Variants in ZNF528 observed in about 807,000 individuals in gnomAD.
The protein encoded by ZNF528 is zinc finger protein 528.
Under a neutral mutation model 13.3 loss-of-function variants are expected in ZNF528, and 9 were observed. The observed-to-expected ratio is 0.67, with a 90% CI of 0.41 to 1.18. The LOEUF is 1.18. Among genes scored for constraint, ZNF528 ranks in the 50% most tolerant of loss-of-function variants. ZNF528 has a pLI of 0.01. For missense variants in ZNF528, 858 were observed against 745.4 expected (o/e 1.15, Z -1.76); for synonymous variants, 264 against 254.3 (o/e 1.04, Z -0.36).
Position 52,415,108 on chromosome 19 carries a change from TTTC to T in ZNF528, c.272-13_272-11del. The T allele has an allele frequency of 6.2e-7, 1 of 1,609,934 alleles. No homozygotes were observed. The highest frequency in any genetic ancestry group is 8.5e-7 in the Non-Finnish European group (1 of 1,177,916). On this transcript the variant is annotated splice_polypyrimidine_tract_variant and intron_variant, in intron 6 of 6. Coordinates refer to ENST00000360465, the MANE Select transcript of ZNF528 (RefSeq NM_032423.3). The stretch of plus-strand genomic sequence containing the variant: ...TTATCATGGGTTGAAGTTCCACTTT[TTTC>T]TTTCTGTTTTAGAGAGGAGCTCTAA...
rs998578787 is a variant in ZNF528 at position 52,417,143 on chromosome 19, T to C, written c.*404T>C. 3.3e-5 allele frequency: 8 copies of C among 239,528 alleles called. No homozygotes were observed. Among genetic ancestry groups the C allele is most frequent in the Admixed American group, 1.5e-4 (3 of 19,674 alleles). 14.8% of individuals were successfully genotyped at this position (239,528 alleles called of 1,614,324 possible). A position where few individuals can be genotyped will look rare whatever the true frequency, so the allele number is the denominator to read the frequency against. On this transcript the variant is annotated 3_prime_UTR_variant, in exon 7 of 7. Coordinates refer to ENST00000360465, the MANE Select transcript of ZNF528 (RefSeq NM_032423.3). ...TTCAGGCTATAAAGCATTCAATTAT[T>C]TGGGGCTTATAGAAAAGGCTACTTT...
chr19:52,415,319 A>G lies in ZNF528; in HGVS notation c.467A>G (p.Lys156Arg). The change falls in exon 7 of 7, where the codon AAA becomes AGA. Residue 156 changes from lysine (K) to arginine (R), a missense_variant. Physicochemically the swap from Lys to Arg is conservative, Grantham distance 26 (BLOSUM62 2). Transcript: ENST00000360465. ...CTTGAAAAAATTTCTTCCAGTGTCA[A>G]ATCCCACCTTTTAAATAAATATAGA... is the stretch of plus-strand genomic sequence containing the variant. ...SPLEKISSSV[K>R]SHLLNKYRNN... is the part of the protein sequence containing the mutation. 1 of 1,612,392 alleles carries G rather than the reference A, an allele frequency of 6.2e-7. No homozygotes were observed. Among genetic ancestry groups the G allele is most frequent in the Non-Finnish European group, 8.5e-7 (1 of 1,179,560 alleles).
chr19:52,407,420 A>G (rs2122546017), intron 6 of ZNF528, among the ~76,000 whole-genome samples: 1 of 152,192 alleles, frequency 6.6e-6, no homozygotes, highest in South Asian at 2.1e-4. Flanking sequence ...GATTATAGGC[A>G]TAAGCCACAG....
intron 6 of ZNF528, 160 bp from the exon 7 acceptor site, chr19:52,414,964 C>T (rs866524468): frequency 3.3e-6 from 5 of 1,534,734 alleles, no homozygotes; most frequent in East Asian, 2.5e-5. Context: ...AATGCATCAC[C>T]TCAGTTCCTT....
intron 2 of ZNF528, among the ~76,000 whole-genome samples, chr19:52,401,105 C>T (rs1288104152): frequency 3.3e-5 from 5 of 152,088 alleles, no homozygotes; most frequent in Non-Finnish European, 7.3e-5. Context: ...TGGTTTTAAA[C>T]ACCACCAACA....
intron 2 of ZNF528, among the ~76,000 whole-genome samples, chr19:52,400,386 GT>G (rs1022479351): frequency 6.6e-6 from 1 of 151,896 alleles, no homozygotes. Context: ...CCAAAATCTT[GT>G]TTAGGCGCTC....
chr19:52,398,190 C>T (rs2058752247), intron 1 of ZNF528, among the ~76,000 whole-genome samples, 177 bp from the exon 2 acceptor site: 1 of 152,174 alleles, frequency 6.6e-6, no homozygotes, highest in Admixed American at 6.5e-5. Context: ...CCCCGCACCA[C>T]GTAAAATCCT....
chr19:52,400,976 A>G (rs1364470341), intron 2 of ZNF528, among the ~76,000 whole-genome samples: 1 of 152,014 alleles, frequency 6.6e-6, no homozygotes, highest in Non-Finnish European at 1.5e-5. Context: ...GTATCTTATC[A>G]GTTTCCTCTG....
chr19:52,406,732 G>C, intron 6 of ZNF528, 89 bp downstream of exon 6: 2 of 1,488,008 alleles, frequency 1.3e-6, no homozygotes. Flanking sequence ...AGAGTGCGGT[G>C]GCAATCATAG....
intron 4 of ZNF528, among the ~76,000 whole-genome samples, chr19:52,404,428 A>G (rs1229960262): frequency 6.6e-6 from 1 of 151,884 alleles, no homozygotes; most frequent in African/African-American, 2.4e-5. Flanking sequence ...GGGTTTCACC[A>G]TGTTGGCCAG....
At chr19:52,402,334 A>T in intron 4 of ZNF528, 1 of 515,160 alleles carries the variant, frequency 1.9e-6, no homozygotes, top group Middle Eastern at 3.6e-4. Flanking sequence ...CAGGGATCAC[A>T]TCTGGATGCA....
chr19:52,414,459 G>T, intron 6 of ZNF528: 1 of 597,530 alleles, frequency 1.7e-6, no homozygotes. Context: ...GGGTAAAGGA[G>T]ATGGTGGCAG....
At position 52,417,232 on chromosome 19, in the gene ZNF528, G is replaced by A; in HGVS notation, c.*493G>A. ...TACAGGCCATTCACTGTGGTCCCTG[G>A]GAAAGAATCAGTAGGATGACAGGGC... On this transcript the variant is annotated 3_prime_UTR_variant, in exon 7 of 7. Coordinates refer to ENST00000360465, the MANE Select transcript of ZNF528 (RefSeq NM_032423.3). 1 of 293,480 alleles carries A rather than the reference G, an allele frequency of 3.4e-6. No individual in the cohort carries two copies. The highest frequency in any genetic ancestry group is 6.7e-6 in the Non-Finnish European group (1 of 149,808). 18.2% of individuals were successfully genotyped at this position (293,480 alleles called of 1,614,324 possible).
Position 52,416,973 on chromosome 19 carries a change from T to C in ZNF528, c.*234T>C, listed in dbSNP as rs769126873. 6.2e-6 allele frequency: 3 copies of C among 487,570 alleles called. No individual in the cohort carries two copies. Among genetic ancestry groups the C allele is most frequent in the Admixed American group, 3.5e-5 (1 of 28,404 alleles). 30.2% of individuals were successfully genotyped at this position (487,570 alleles called of 1,614,324 possible). A position where few individuals can be genotyped will look rare whatever the true frequency, so the allele number is the denominator to read the frequency against. On this transcript the variant is annotated 3_prime_UTR_variant, in exon 7 of 7. Transcript: ENST00000360465. ...ACCATTGCTATAGAACACGATAGGATTTACACAAGAAGTAACTCTGTCTCT... is the reference window on the plus strand; with the variant it reads ...ACCATTGCTATAGAACACGATAGGACTTACACAAGAAGTAACTCTGTCTCT...
Position 52,401,910 on chromosome 19 carries a change from G to C in ZNF528, c.-67-37G>C, listed in dbSNP as rs1044368520. On this transcript the variant is annotated intron_variant, in intron 3 of 6. Transcript: ENST00000360465. ...CTATGGCACAGGAAGGAGGTATGTT[G>C]ATTCTAAGCCCTAAGCAGCATATTT... 4.8e-5 allele frequency: 76 copies of C among 1,598,162 alleles called. No homozygotes were observed. The African/African-American group carries it at 7.8e-4, about 16-fold the overall frequency.
rs8112621 is a variant in ZNF528, at chr19:52,408,868, A to G, written c.271+2225A>G. ...AGGCATGAGCCACTGCGCCCTGCCTATGATGACCTTTATATTTTCATATGG... is the reference window on the plus strand; with the variant it reads ...AGGCATGAGCCACTGCGCCCTGCCTGTGATGACCTTTATATTTTCATATGG... On this transcript the variant is annotated intron_variant, in intron 6 of 6. Coordinates refer to ENST00000360465, the MANE Select transcript of ZNF528 (RefSeq NM_032423.3). 4.8e-3 allele frequency among the ~76,000 whole-genome samples: 729 copies of G among 152,296 alleles called. 10 individuals carry two copies. The highest frequency in any genetic ancestry group is 0.017 in the African/African-American group (707 of 41,558).
chr19:52,413,442 C>T (rs1017514001), intron 6 of ZNF528: 3 of 152,210 alleles, frequency 2.0e-5, no homozygotes. Flanking sequence ...TGAATGGGCT[C>T]TGTACTCCAT....
intron 5 of ZNF528, 95 bp from the exon 6 acceptor site, chr19:52,406,420 T>C: frequency 6.7e-7 from 1 of 1,499,804 alleles, no homozygotes; most frequent in Non-Finnish European, 8.9e-7. Flanking sequence ...AAATACTATT[T>C]ATGATTTAAT....
In ZNF528 at chr19:52,415,368, A is replaced by G. The variant is rs768765804; in HGVS notation, c.516A>G (p.Leu172=). 2.5e-6 allele frequency: 4 copies of G among 1,613,702 alleles called. No homozygotes were observed. The Admixed American group carries it at 5.0e-5, about 20-fold the overall frequency. ...KYRNNFDHAP[L]LPQEQKAHIR... ...GAAATAATTTTGATCATGCTCCATT[A>G]CTTCCACAAGAACAGAAAGCACACA... Residue 172 remains leucine (L), a synonymous_variant, in exon 7 of 7, where the codon TTA becomes TTG. Coordinates refer to ENST00000360465, the MANE Select transcript of ZNF528 (RefSeq NM_032423.3).
Sources: allele counts gnomAD v4.1 joint callset (sites outside exome capture counted in the v4.1 genomes callset), GRCh38; gene constraint gnomAD v4.1.1; transcripts MANE v1.5; gene names NCBI Gene and HGNC (gene_info 2026-07-23, HGNC 2026-07-21).